Variants in FBLN2 observed in about 807,000 individuals in gnomAD.
FBLN2 encodes the protein fibulin-2.
In FBLN2, 81 loss-of-function variants were observed where a neutral mutation model predicts 123.7. The ratio of observed to expected loss-of-function variants is 0.65; its 90% confidence interval spans 0.55 to 0.79. The LOEUF is 0.79. Ranked by LOEUF, FBLN2 falls within the 30% of genes least tolerant of loss-of-function variation. The pLI, the probability that FBLN2 is intolerant of heterozygous loss-of-function variation, is 0.00. For synonymous variants in FBLN2, 699 were observed against 701.4 expected, an observed-to-expected ratio of 1.00 and a Z score of 0.05; for missense variants, 1,603 against 1,681.3, an observed-to-expected ratio of 0.95 and a Z score of 0.81.
At chr3:13,627,795 GC>G (rs773162931) in intron 10 of FBLN2, 36 bp from the exon 11 acceptor site, 3 of 1,591,720 alleles carry the variant, frequency 1.9e-6, no homozygotes, top group Admixed American at 1.7e-5. Flanking sequence ...GGCAGGACCT[GC>G]CCCCCAGCCC....
chr3:13,637,384 C>A (rs564149065), intron 17 of FBLN2, among the ~76,000 whole-genome samples, 178 bp from the exon 18 acceptor site: 28 of 152,206 alleles, frequency 1.8e-4, no homozygotes, highest in Non-Finnish European at 3.4e-4. Flanking sequence ...TTATTAACCT[C>A]ATCTCGCAGG....
At chr3:13,566,693 C>T (rs747894820) in intron 1 of FBLN2, among the ~76,000 whole-genome samples, 4 of 152,192 alleles carry the variant, frequency 2.6e-5, no homozygotes, top group Non-Finnish European at 2.9e-5. Flanking sequence ...GGGGCCCAGA[C>T]GACTTGGGGA....
At chr3:13,557,553 T>C (rs1468392765) in intron 1 of FBLN2, among the ~76,000 whole-genome samples, 1 of 152,212 alleles carries the variant, frequency 6.6e-6, no homozygotes, top group Non-Finnish European at 1.5e-5. Flanking sequence ...CCAGGCAGGC[T>C]CTGCCGTGTG....
At chr3:13,621,218 A>C (rs1156278407) in intron 8 of FBLN2, among the ~76,000 whole-genome samples, 1 of 152,238 alleles carries the variant, frequency 6.6e-6, no homozygotes, top group Non-Finnish European at 1.5e-5. Flanking sequence ...GCGCTGCTCA[A>C]CTCTGCTGCA....
At chr3:13,589,796 A>G (rs35220159) in intron 2 of FBLN2, among the ~76,000 whole-genome samples, 18,370 of 152,190 alleles carry the variant, frequency 0.12, 1,195 homozygotes, top group South Asian at 0.23. Context: ...CTCGTTTTAT[A>G]AAAGCAATGT....
At chr3:13,600,821 G>C (rs1394372058) in intron 2 of FBLN2, among the ~76,000 whole-genome samples, 4 of 152,104 alleles carry the variant, frequency 2.6e-5, no homozygotes, top group Non-Finnish European at 5.9e-5. Flanking sequence ...TCGCCATGTT[G>C]GCCAGGTTGG....
Position 13,608,062 on chromosome 3 carries a change from G to C in FBLN2, c.1307G>C (p.Gly436Ala). 1 of 1,573,880 alleles carries C rather than the reference G, an allele frequency of 6.4e-7. No homozygotes were observed. The highest frequency in any genetic ancestry group is 8.6e-7 in the Non-Finnish European group (1 of 1,159,768). Residue 436 changes from glycine (G) to alanine (A), a missense_variant and splice_region_variant, in exon 3 of 18, where the codon GGC becomes GCC. Coordinates refer to ENST00000404922, the MANE Select transcript of FBLN2 (RefSeq NM_001004019.2). ...VHSIPRSSPE[G>A]STKDLIETCC... ...CTCTGCCTCATGTTGCTATCCACAGGCTCCACCAAGGACCTGATCGAGACT... is the reference window on the plus strand; with the variant it reads ...CTCTGCCTCATGTTGCTATCCACAGCCTCCACCAAGGACCTGATCGAGACT...
chr3:13,568,901 A>G (rs1405099452), intron 1 of FBLN2: 3 of 985,562 alleles, frequency 3.0e-6, no homozygotes, highest in Admixed American at 6.1e-5. Flanking sequence ...CCTGGTTCCT[A>G]GAGGGGCTGG....
chr3:13,589,425 C>T (rs976370836), intron 2 of FBLN2, among the ~76,000 whole-genome samples: 5 of 152,258 alleles, frequency 3.3e-5, no homozygotes, highest in Admixed American at 6.5e-5. Context: ...ATCAAGCCCC[C>T]TTTGGTAACT....
At chr3:13,620,526 G>C (rs995298225) in intron 8 of FBLN2, among the ~76,000 whole-genome samples, 1 of 152,162 alleles carries the variant, frequency 6.6e-6, no homozygotes, top group African/African-American at 2.4e-5. Flanking sequence ...CTAGGTCTGG[G>C]TCTTGTCTTT....
At chr3:13,623,065 G>A (rs989194638) in intron 9 of FBLN2, among the ~76,000 whole-genome samples, 1 of 152,196 alleles carries the variant, frequency 6.6e-6, no homozygotes, top group African/African-American at 2.4e-5. Flanking sequence ...TTCCTTCCTC[G>A]CCTTTCACCA....
intron 2 of FBLN2, among the ~76,000 whole-genome samples, chr3:13,573,130 G>T (rs1160506908): frequency 6.6e-6 from 1 of 152,138 alleles, no homozygotes; most frequent in Admixed American, 6.5e-5. Context: ...CCCCGCACCT[G>T]GGGGGAGCGC....
chr3:13,589,424 C>T (rs2124853130), intron 2 of FBLN2, among the ~76,000 whole-genome samples: 1 of 152,272 alleles, frequency 6.6e-6, no homozygotes. Flanking sequence ...CATCAAGCCC[C>T]CTTTGGTAAC....
In FBLN2 at chr3:13,618,156, G is replaced by T. The variant is rs1351113303; in HGVS notation, c.1810G>T (p.Asp604Tyr). Residue 604 changes from aspartate to tyrosine, a missense_variant, in exon 6 of 18, where the codon GAC (aspartate) becomes TAC (tyrosine). Coordinates refer to ENST00000404922, the MANE Select transcript of FBLN2 (RefSeq NM_001004019.2). The stretch of plus-strand genomic sequence containing the variant: ...GCTGCCGAACAGCCTGCCGGGCGAT[G>T]ACCAGGATGAGTGCCTTCTCCTCCC... ...AELPNSLPGD[D>Y]QDECLLLPGE... The T allele has an allele frequency of 8.7e-6, 14 of 1,613,726 alleles. No individual in the cohort carries two copies. Among genetic ancestry groups the T allele is most frequent in the Non-Finnish European group, 1.1e-5 (13 of 1,179,904 alleles).
At chr3:13,558,572 C>T (rs1015430907) in intron 1 of FBLN2, among the ~76,000 whole-genome samples, 6 of 152,038 alleles carry the variant, frequency 3.9e-5, no homozygotes, top group East Asian at 3.9e-4. Context: ...ATTCATAATT[C>T]ATCCCATCCT....
rs375082362 is a variant in FBLN2, at chr3:13,629,066, C to T, written c.2713+18C>T. The T allele has an allele frequency of 1.1e-4, 181 of 1,612,848 alleles. 1 individual carries two copies. The South Asian group carries it at 1.6e-3, about 14-fold the overall frequency. The stretch of plus-strand genomic sequence containing the variant: ...GTGTGTGGGTAAGGCCAGCCGCCTC[C>T]GCCCTGCCAGCCAGCCCGGCCTGCC... On this transcript the variant is annotated intron_variant, in intron 12 of 17. Coordinates refer to ENST00000404922, the MANE Select transcript of FBLN2 (RefSeq NM_001004019.2).
chr3:13,591,164 G>A (rs906970383), intron 2 of FBLN2, among the ~76,000 whole-genome samples: 1 of 152,148 alleles, frequency 6.6e-6, no homozygotes, highest in South Asian at 2.1e-4. Flanking sequence ...TTATGATGTT[G>A]TCTACATTTT....
At chr3:13,586,102 G>A (rs1439436985) in intron 2 of FBLN2, among the ~76,000 whole-genome samples, 1 of 152,192 alleles carries the variant, frequency 6.6e-6, no homozygotes, top group East Asian at 1.9e-4. Flanking sequence ...GATAAGATGT[G>A]GAGGTGGAAG....
At chr3:13,570,203 C>T (rs933587728) in intron 1 of FBLN2, 112 bp from the exon 2 acceptor site, 21 of 1,161,954 alleles carry the variant, frequency 1.8e-5, no homozygotes, top group Non-Finnish European at 2.0e-5. Flanking sequence ...TGGGGATGAG[C>T]GCATGCGTGT....
Sources: allele counts gnomAD v4.1 joint callset (sites outside exome capture counted in the v4.1 genomes callset), GRCh38; gene constraint gnomAD v4.1.1; transcripts MANE v1.5; gene names NCBI Gene and HGNC (gene_info 2026-07-23, HGNC 2026-07-21).